Variants in PCDH11X observed in about 807,000 individuals in gnomAD.
The protein encoded by PCDH11X is protocadherin-11 X-linked.
A neutral mutation model predicts 53.3 loss-of-function variants in PCDH11X; 18 were observed. That is an observed-to-expected ratio of 0.34 (90% CI 0.23 to 0.50). PCDH11X has a LOEUF of 0.50. PCDH11X is among the 20% of genes least tolerant of loss of function. The pLI, the probability that PCDH11X is intolerant of heterozygous loss-of-function variation, is 0.98. For synonymous variants in PCDH11X, 279 were observed against 393.3 expected, an observed-to-expected ratio of 0.71 and a Z score of 3.44; for missense variants, 570 against 1,032.4, an observed-to-expected ratio of 0.55 and a Z score of 6.14.
Position 91,916,082 on chromosome X carries a change from G to A in PCDH11X, c.3033+36809G>A, listed in dbSNP as rs762056954. On this transcript the variant is annotated intron_variant, in intron 6 of 10. Transcript: ENST00000682573. ...CATGAAAACTAAATAATCTGCTCTT[G>A]AATTATCTTTGGGTCAACAATGAAA... is the stretch of plus-strand genomic sequence containing the variant. Among the ~76,000 whole-genome samples, 4 of 110,693 alleles carry A rather than the reference G, an allele frequency of 3.6e-5. No homozygotes were observed. In the South Asian group the frequency reaches 1.5e-3, roughly 42 times the overall value.
At chrX:91,956,750 A>G (rs1307463881) in intron 6 of PCDH11X, among the ~76,000 whole-genome samples, 1 of 109,386 alleles carries the variant, frequency 9.1e-6, no homozygotes, top group Non-Finnish European at 1.9e-5. Context: ...TGATCTTCTC[A>G]TGGAGTATTT....
chrX:92,277,395 G>A (rs1019134818), intron 8 of PCDH11X, among the ~76,000 whole-genome samples: 15 of 111,309 alleles, frequency 1.3e-4, no homozygotes, highest in Non-Finnish European at 2.3e-4. Flanking sequence ...AAGCGGCATT[G>A]CAGAAGAAAA....
At chrX:92,187,329 C>G (rs2066115544) in intron 6 of PCDH11X, among the ~76,000 whole-genome samples, 1 of 111,857 alleles carries the variant, frequency 8.9e-6, no homozygotes, top group Non-Finnish European at 1.9e-5. Context: ...CTTCTTCTTT[C>G]CTTACAAAGA....
At chrX:92,258,194 A>T (rs1206466361) in intron 7 of PCDH11X, among the ~76,000 whole-genome samples, 2 of 110,443 alleles carry the variant, frequency 1.8e-5, no homozygotes, top group East Asian at 5.8e-4. Flanking sequence ...CAGTCTCCTG[A>T]GGCTGTGCAG....
chrX:91,991,196 A>G (rs1424935076), intron 6 of PCDH11X, among the ~76,000 whole-genome samples: 1 of 95,562 alleles, frequency 1.0e-5, no homozygotes, highest in African/African-American at 4.0e-5. Flanking sequence ...AGAAGTCTAC[A>G]CCCTCCTCTT....
chrX:92,370,086 A>G (rs1167200861), intron 8 of PCDH11X, among the ~76,000 whole-genome samples: 3 of 107,896 alleles, frequency 2.8e-5, no homozygotes, highest in African/African-American at 1.0e-4. Flanking sequence ...CATTTTTTGC[A>G]TGTTGTGTTT....
intron 10 of PCDH11X, among the ~76,000 whole-genome samples, chrX:92,553,405 T>G (rs1238035707): frequency 9.1e-6 from 1 of 110,043 alleles, no homozygotes; most frequent in Non-Finnish European, 1.9e-5. Flanking sequence ...TTGAATTTCT[T>G]GCAGCATCAG....
intron 6 of PCDH11X, among the ~76,000 whole-genome samples, chrX:92,145,066 G>A (rs1427675397): frequency 1.8e-5 from 2 of 111,786 alleles, no homozygotes; most frequent in African/African-American, 3.3e-5. Flanking sequence ...CATAGTGTCT[G>A]TTTGGTTAAT....
chrX:92,437,809 T>G (rs1268371526), intron 9 of PCDH11X, among the ~76,000 whole-genome samples: 1 of 109,026 alleles, frequency 9.2e-6, no homozygotes, highest in African/African-American at 3.3e-5. Flanking sequence ...AACCCAAGGG[T>G]GGAAAAGGAC....
chrX:91,798,588 C>CA (rs1452874237), intron 1 of PCDH11X, among the ~76,000 whole-genome samples: 10,402 of 84,805 alleles, frequency 0.12, 915 homozygotes, highest in African/African-American at 0.29. Flanking sequence ...GACTCTGTCT[C>CA]AAAAAAAAAA....
chrX:92,366,426 C>A (rs1287787539), intron 8 of PCDH11X, among the ~76,000 whole-genome samples: 11 of 110,685 alleles, frequency 9.9e-5, no homozygotes, highest in African/African-American at 3.6e-4. Flanking sequence ...TTAAAAAAAT[C>A]TTTTCATAAA....
rs1335981452 is a variant in PCDH11X, at chrX:92,032,203, T to C, written c.3033+152930T>C. ...TTCATTGTCTTGATTTTTCAGTTCT[T>C]CGGTTAGGTTAATTCCTCGGTATTC... On this transcript the variant is annotated intron_variant, in intron 6 of 10. Transcript: ENST00000682573. Among the ~76,000 whole-genome samples the C allele has an allele frequency of 3.6e-5, 4 of 111,548 alleles. No individual in the cohort carries two copies. The South Asian group carries it at 1.1e-3, about 31-fold the overall frequency.
intron 6 of PCDH11X, among the ~76,000 whole-genome samples, chrX:91,890,855 C>T (rs1368921255): frequency 9.0e-6 from 1 of 110,805 alleles, no homozygotes; most frequent in Non-Finnish European, 1.9e-5. Flanking sequence ...TGCATACATG[C>T]CTACCTATGT....
chrX:92,575,276 CTA>C (rs1463784688), intron 10 of PCDH11X, among the ~76,000 whole-genome samples: 1 of 108,649 alleles, frequency 9.2e-6, no homozygotes, highest in African/African-American at 3.3e-5. Context: ...GTATTACAGG[CTA>C]TGTTTTATTT....
In PCDH11X at chrX:92,097,807, C is replaced by T. The variant is rs191426257; in HGVS notation, c.3034-103568C>T. Among the ~76,000 whole-genome samples, 810 of 110,792 alleles carry T rather than the reference C, an allele frequency of 7.3e-3. 8 individuals are homozygous for T. Among genetic ancestry groups the T allele is most frequent in the African/African-American group, 0.025 (766 of 30,510 alleles). On this transcript the variant is annotated intron_variant, in intron 6 of 10. Transcript: ENST00000682573. ...CCAAAATCCTTAGACGCTCAAGTCC[C>T]TTATATAAAATGATACATAGTATTT...
intron 7 of PCDH11X, among the ~76,000 whole-genome samples, chrX:92,221,324 C>T (rs1284046235): frequency 1.3e-5 from 1 of 79,229 alleles, no homozygotes; most frequent in Non-Finnish European, 2.6e-5. Flanking sequence ...CACACACACA[C>T]ACATATATAC....
intron 8 of PCDH11X, among the ~76,000 whole-genome samples, chrX:92,275,872 A>G (rs933956269): frequency 1.8e-5 from 2 of 110,463 alleles, no homozygotes; most frequent in African/African-American, 6.6e-5. Flanking sequence ...GTGCATGATC[A>G]GTCCCGAAGG....
intron 10 of PCDH11X, among the ~76,000 whole-genome samples, chrX:92,569,586 C>CT (rs907654274): frequency 9.0e-6 from 1 of 111,386 alleles, no homozygotes; most frequent in African/African-American, 3.3e-5. Flanking sequence ...TGATGTCTTC[C>CT]TTTTTTTAAC....
At chrX:92,599,406 T>C (rs34666944) in intron 10 of PCDH11X, among the ~76,000 whole-genome samples, 5 of 111,246 alleles carry the variant, frequency 4.5e-5, no homozygotes, top group African/African-American at 1.6e-4. Flanking sequence ...AATTACATCA[T>C]GGTGGCAGGT....
Sources: gnomAD v4.1 joint callset for allele counts (sites outside exome capture counted in the v4.1 genomes callset) on GRCh38, gnomAD v4.1.1 for gene constraint, MANE v1.5 for transcripts, NCBI Gene and HGNC (gene_info 2026-07-23, HGNC 2026-07-21) for gene names.